MKLN1: variants seen among roughly 807,000 people sequenced by gnomAD.
MKLN1 encodes muskelin.
In MKLN1, 18 loss-of-function variants were observed where a neutral mutation model predicts 99.0. The observed-to-expected ratio is 0.18, with a 90% CI of 0.13 to 0.27. MKLN1 has a LOEUF of 0.27. Ranked by LOEUF, MKLN1 falls within the 10% of genes least tolerant of loss-of-function variation. The probability of loss-of-function intolerance (pLI) is 1.00; values close to 1 mark genes in which losing one functional copy is unlikely to be tolerated. For missense variants in MKLN1, 621 were observed against 875.9 expected (o/e 0.71, Z 3.67); for synonymous variants, 288 against 293.2 (o/e 0.98, Z 0.18).
intron 1 of MKLN1, among the ~76,000 whole-genome samples, chr7:131,111,110 A>C (rs1257794899): frequency 6.6e-6 from 1 of 152,190 alleles, no homozygotes; most frequent in East Asian, 1.9e-4. Flanking sequence ...TGGAAATTTC[A>C]AAGCACTTTC....
At chr7:131,125,666 T>C (rs1563223060) in intron 1 of MKLN1, among the ~76,000 whole-genome samples, 1 of 151,728 alleles carries the variant, frequency 6.6e-6, no homozygotes, top group Non-Finnish European at 1.5e-5. Context: ...AGGTCAGGAG[T>C]TCGAGACCAG....
chr7:131,327,086 TAAG>T (rs1273098070), upstream of MKLN1: 2 of 152,360 alleles, frequency 1.3e-5, no homozygotes, highest in African/African-American at 2.4e-5. Context: ...CTGTTCCCTC[TAAG>T]AAGAAGGAAT....
chr7:131,308,215 G>A (rs1798497280), intron 3 of MKLN1, among the ~76,000 whole-genome samples: 1 of 151,550 alleles, frequency 6.6e-6, no homozygotes, highest in African/African-American at 2.4e-5. Flanking sequence ...ATGGAACTGT[G>A]AGTCAATTAC....
intron 1 of MKLN1, among the ~76,000 whole-genome samples, chr7:131,357,841 A>G (rs1241119211): frequency 6.6e-6 from 1 of 152,100 alleles, no homozygotes; most frequent in Non-Finnish European, 1.5e-5. Context: ...TTATTGGAGA[A>G]AGGCATAAAA....
chr7:131,337,284 T>A (rs1031963172), intron 1 of MKLN1, among the ~76,000 whole-genome samples: 3 of 152,188 alleles, frequency 2.0e-5, no homozygotes, highest in African/African-American at 7.2e-5. Context: ...TTTGACTTTT[T>A]AAAAATATTG....
intron 3 of MKLN1, among the ~76,000 whole-genome samples, chr7:131,257,745 G>A (rs1343795154): frequency 2.0e-5 from 3 of 152,100 alleles, no homozygotes; most frequent in Non-Finnish European, 2.9e-5. Context: ...AGGGAGAGAA[G>A]GGAAAGGAAG....
At chr7:131,165,251 TCTCTGCTCACTGCAAC>T (rs1291334353) in intron 2 of MKLN1, among the ~76,000 whole-genome samples, 1 of 152,166 alleles carries the variant, frequency 6.6e-6, no homozygotes, top group Non-Finnish European at 1.5e-5. Flanking sequence ...AATGGCGCGA[TCTCTGCTCACTGCAAC>T]CTCTGCCTCC....
chr7:131,347,134 GCA>G (rs764385617), intron 1 of MKLN1, among the ~76,000 whole-genome samples: 53 of 152,184 alleles, frequency 3.5e-4, no homozygotes, highest in Admixed American at 8.5e-4. Context: ...TAGCAGCCCT[GCA>G]CCTTCTACAT....
chr7:131,139,623 TGAGA>T (rs1563228603), intron 1 of MKLN1, among the ~76,000 whole-genome samples: 1 of 152,082 alleles, frequency 6.6e-6, no homozygotes, highest in Non-Finnish European at 1.5e-5. Flanking sequence ...TGACAAGAAG[TGAGA>T]GATAGTGACA....
intron 1 of MKLN1, among the ~76,000 whole-genome samples, chr7:131,351,800 G>A (rs1021406025): frequency 9.2e-5 from 14 of 152,186 alleles, no homozygotes; most frequent in African/African-American, 3.4e-4. Flanking sequence ...CACAAAATGT[G>A]GTGGTGACAA....
intron 9 of MKLN1, among the ~76,000 whole-genome samples, chr7:131,434,280 A>G (rs1279747900): frequency 6.6e-6 from 1 of 152,206 alleles, no homozygotes; most frequent in African/African-American, 2.4e-5. Flanking sequence ...CAGCACTCTT[A>G]AGAGTTTTCA....
At position 131,364,362 on chromosome 7, in the gene MKLN1, A is replaced by T. The variant is rs531925589; in HGVS notation, c.99-11062A>T. Among the ~76,000 whole-genome samples the T allele has an allele frequency of 4.6e-5, 7 of 151,954 alleles. No homozygotes were observed. In the East Asian group the frequency reaches 1.4e-3, roughly 29 times the overall value. The stretch of plus-strand genomic sequence containing the variant: ...ACTTCCTGTGTGTGTAGATAAAGAT[A>T]TTTCTCGAATATTGGGAGAGAATGC... On this transcript the variant is annotated intron_variant, in intron 1 of 17. Coordinates refer to ENST00000352689, the MANE Select transcript of MKLN1 (RefSeq NM_013255.5).
chr7:131,238,452 T>C (rs1797356348), intron 3 of MKLN1, among the ~76,000 whole-genome samples: 1 of 152,192 alleles, frequency 6.6e-6, no homozygotes, highest in Non-Finnish European at 1.5e-5. Flanking sequence ...GGCCACTTCC[T>C]GCAAAGAGTT....
chr7:131,298,986 TG>T (rs1798336396), intron 3 of MKLN1, among the ~76,000 whole-genome samples: 1 of 152,164 alleles, frequency 6.6e-6, no homozygotes, highest in Non-Finnish European at 1.5e-5. Flanking sequence ...GAGACCAGCT[TG>T]GGCAACAACA....
At chr7:131,320,610 A>T (rs779146308) in intron 3 of MKLN1, among the ~76,000 whole-genome samples, 1 of 152,246 alleles carries the variant, frequency 6.6e-6, no homozygotes, top group Non-Finnish European at 1.5e-5. Context: ...GTTTCTGCAC[A>T]GCAAAAGAAA....
rs1554534675 is a variant in MKLN1, at chr7:131,192,109, T to TAA, written c.-296-10748_-296-10747insAA. On this transcript the variant is annotated intron_variant, in intron 2 of 7. Coordinates refer to the MKLN1 transcript ENST00000416992. ...TATTATATATATATGTATATATATATTATATATATACGTATATATATAAAA... is the reference window on the plus strand; with the variant it reads ...TATTATATATATATGTATATATATATAATATATATATACGTATATATATAAAA... Among the ~76,000 whole-genome samples, 3 of 80,328 alleles carry TAA rather than the reference T, an allele frequency of 3.7e-5. 1 individual carries two copies. The highest frequency in any genetic ancestry group is 1.8e-4 in the African/African-American group (3 of 16,616). The allele number at this position is 80,328 out of a possible 152,430, so 52.7% of individuals were successfully genotyped here.
intron 6 of MKLN1, among the ~76,000 whole-genome samples, chr7:131,406,126 A>G (rs972509833): frequency 6.6e-6 from 1 of 151,986 alleles, no homozygotes; most frequent in African/African-American, 2.4e-5. Flanking sequence ...TTTGAATTAA[A>G]TCTTTTATTA....
At chr7:131,295,541 A>G in intron 3 of MKLN1, among the ~76,000 whole-genome samples, 1 of 117,366 alleles carries the variant, frequency 8.5e-6, no homozygotes, top group Admixed American at 1.1e-4. Flanking sequence ...TTTATGAGGG[A>G]AAAAAGAAAA....
intron 3 of MKLN1, among the ~76,000 whole-genome samples, chr7:131,274,728 T>A (rs1402177145): frequency 1.3e-5 from 2 of 150,840 alleles, no homozygotes; most frequent in African/African-American, 4.9e-5. Flanking sequence ...AAAGACAAGC[T>A]CTTAAGCAGT....
Sources: allele counts gnomAD v4.1 joint callset (sites outside exome capture counted in the v4.1 genomes callset), GRCh38; gene constraint gnomAD v4.1.1; transcripts MANE v1.5; gene names NCBI Gene and HGNC (gene_info 2026-07-23, HGNC 2026-07-21).